SAMTOR: variants seen among roughly 807,000 people sequenced by gnomAD.
SAMTOR encodes the protein UPF0532 protein C7orf60.
At chr7:112,939,836 C>A in the SAMTOR span, 11 of 1,086,160 alleles carry the variant, frequency 1.0e-5, no homozygotes, top group Non-Finnish European at 1.4e-5. Flanking sequence ...GAGGGAGCTG[C>A]GGAGGCAGCA....
At chr7:112,870,005 AAAT>A in the SAMTOR span, among the ~76,000 whole-genome samples, 1 of 152,214 alleles carries the variant, frequency 6.6e-6, no homozygotes, top group African/African-American at 2.4e-5. Context: ...TGTCAAATAA[AAAT>A]AAGAAGAAGA....
At chr7:112,926,586 T>C in the SAMTOR span, among the ~76,000 whole-genome samples, 5 of 152,176 alleles carry the variant, frequency 3.3e-5, no homozygotes, top group African/African-American at 4.8e-5. Flanking sequence ...ACAAAGTGTG[T>C]TGACACTGAA....
chr7:112,832,075 G>C, the SAMTOR span, among the ~76,000 whole-genome samples: 1 of 150,170 alleles, frequency 6.7e-6, no homozygotes, highest in Non-Finnish European at 1.5e-5. Context: ...GCAGTGGCGC[G>C]ATCTCGACTC....
At chr7:112,887,161 G>C in the SAMTOR span, among the ~76,000 whole-genome samples, 2 of 151,816 alleles carry the variant, frequency 1.3e-5, no homozygotes, top group Non-Finnish European at 1.5e-5. Context: ...TACAGAGCGA[G>C]ACTCCATCTC....
At chr7:112,872,100 G>A in the SAMTOR span, among the ~76,000 whole-genome samples, 1 of 152,236 alleles carries the variant, frequency 6.6e-6, no homozygotes, top group South Asian at 2.1e-4. Context: ...AATCGAGGAG[G>A]AGGAATTCGT....
the SAMTOR span, among the ~76,000 whole-genome samples, chr7:112,869,551 TA>T: frequency 6.7e-6 from 1 of 148,612 alleles, no homozygotes; most frequent in Non-Finnish European, 1.5e-5. Context: ...ATCAACGAAA[TA>T]AAGCATAAAA....
the SAMTOR span, among the ~76,000 whole-genome samples, chr7:112,887,764 C>G: frequency 6.6e-6 from 1 of 152,070 alleles, no homozygotes; most frequent in Non-Finnish European, 1.5e-5. Flanking sequence ...TATTCTTTTA[C>G]TATTGATGGA....
chr7:112,836,630 A>G, the SAMTOR span, among the ~76,000 whole-genome samples: 3 of 151,908 alleles, frequency 2.0e-5, no homozygotes, highest in Non-Finnish European at 4.4e-5. Context: ...ACTGATCTTG[A>G]GTTTATTTTT....
chr7:112,886,180 A>G, the SAMTOR span, among the ~76,000 whole-genome samples: 1 of 152,144 alleles, frequency 6.6e-6, no homozygotes, highest in African/African-American at 2.4e-5. Context: ...GGTCCCTTCT[A>G]TGACATGTGG....
At chr7:112,855,643 C>T in the SAMTOR span, among the ~76,000 whole-genome samples, 1 of 152,166 alleles carries the variant, frequency 6.6e-6, no homozygotes, top group Admixed American at 6.5e-5. Context: ...AAGCCAATAG[C>T]ACATTAAATC....
the SAMTOR span, chr7:112,821,665 T>G: frequency 6.6e-6 from 9 of 1,356,506 alleles, no homozygotes; most frequent in Non-Finnish European, 7.0e-6. Flanking sequence ...TTTTCAGTAC[T>G]GAGTTCATGT....
At chr7:112,878,194 T>C in the SAMTOR span, among the ~76,000 whole-genome samples, 1 of 152,168 alleles carries the variant, frequency 6.6e-6, no homozygotes, top group Admixed American at 6.5e-5. Context: ...GCTTCATCCA[T>C]GACATTTTTA....
At chr7:112,834,533 A>G in the SAMTOR span, among the ~76,000 whole-genome samples, 1 of 152,200 alleles carries the variant, frequency 6.6e-6, no homozygotes, top group Non-Finnish European at 1.5e-5. Context: ...AGAAAATTCC[A>G]GAAATAAACC....
chr7:112,826,958 A>G, the SAMTOR span, among the ~76,000 whole-genome samples: 2 of 152,104 alleles, frequency 1.3e-5, no homozygotes, highest in African/African-American at 4.8e-5. Context: ...TTTGGTTTAC[A>G]TATTTGGAAG....
At chr7:112,831,581 G>A in the SAMTOR span, among the ~76,000 whole-genome samples, 1 of 152,098 alleles carries the variant, frequency 6.6e-6, no homozygotes, top group African/African-American at 2.4e-5. Context: ...CTGGAACCCG[G>A]GAGGCATAAG....
At chr7:112,910,584 G>C in the SAMTOR span, among the ~76,000 whole-genome samples, 1 of 152,062 alleles carries the variant, frequency 6.6e-6, no homozygotes, top group African/African-American at 2.4e-5. Context: ...GTTTACAATG[G>C]AAAGATTGAG....
At chr7:112,854,569 T>C in the SAMTOR span, among the ~76,000 whole-genome samples, 1 of 152,218 alleles carries the variant, frequency 6.6e-6, no homozygotes, top group Non-Finnish European at 1.5e-5. Flanking sequence ...TGCAAGAAGC[T>C]CTTTAGTCAA....
chr7:112,884,331 G>A, the SAMTOR span, among the ~76,000 whole-genome samples: 13 of 151,994 alleles, frequency 8.6e-5, no homozygotes, highest in Non-Finnish European at 1.9e-4. Flanking sequence ...ACAGTTCCTC[G>A]AAGTCTTAAC....
the SAMTOR span, among the ~76,000 whole-genome samples, chr7:112,846,571 G>A: frequency 6.6e-6 from 1 of 152,142 alleles, no homozygotes; most frequent in South Asian, 2.1e-4. Flanking sequence ...AGGGTTAAGT[G>A]TCAAATGAAG....
Sources: allele counts gnomAD v4.1 joint callset (sites outside exome capture counted in the v4.1 genomes callset), GRCh38; gene constraint gnomAD v4.1.1; transcripts MANE v1.5; gene names NCBI Gene and HGNC (gene_info 2026-07-23, HGNC 2026-07-21).